Variants in ABL1 observed in about 807,000 individuals in gnomAD.
ABL1 encodes the protein ABL proto-oncogene 1, non-receptor tyrosine kinase.
Under a neutral mutation model 94.7 loss-of-function variants are expected in ABL1, and 11 were observed. The observed-to-expected ratio is 0.12, with a 90% CI of 0.07 to 0.19. ABL1 has a LOEUF of 0.19. Ranked by LOEUF, ABL1 falls within the 10% of genes least tolerant of loss-of-function variation. The probability of loss-of-function intolerance (pLI) is 1.00; values close to 1 mark genes in which losing one functional copy is unlikely to be tolerated. For synonymous variants in ABL1, 656 were observed against 622.4 expected (o/e 1.05, Z -0.80); for missense variants, 1,082 against 1,489.4 (o/e 0.73, Z 4.50).
At chr9:130,739,179 A>C (rs1831783528) in intron 1 of ABL1, among the ~76,000 whole-genome samples, 1 of 152,078 alleles carries the variant, frequency 6.6e-6, no homozygotes, top group African/African-American at 2.4e-5. Context: ...CAGGCGTGAA[A>C]CACTGTGCCT....
intron 1 of ABL1, among the ~76,000 whole-genome samples, chr9:130,806,622 C>G (rs1021426729): frequency 6.6e-6 from 1 of 150,886 alleles, no homozygotes; most frequent in Admixed American, 6.6e-5. Context: ...CAAGACCAGC[C>G]TGGACAACAA....
chr9:130,775,179 C>T (rs1240774286), intron 1 of ABL1, among the ~76,000 whole-genome samples: 2 of 152,166 alleles, frequency 1.3e-5, no homozygotes, highest in Admixed American at 6.5e-5. Context: ...CTATCTTTTT[C>T]TCAGTCTTAA....
chr9:130,724,498 T>C (rs759447351), intron 1 of ABL1, among the ~76,000 whole-genome samples: 53 of 151,694 alleles, frequency 3.5e-4, no homozygotes, highest in Non-Finnish European at 5.7e-4. Context: ...AACCAGAACA[T>C]TTATTGTGTG....
intron 1 of ABL1, among the ~76,000 whole-genome samples, chr9:130,765,782 T>G (rs1832175365): frequency 6.6e-6 from 1 of 152,220 alleles, no homozygotes; most frequent in Non-Finnish European, 1.5e-5. Context: ...GCCACAGATT[T>G]AATGCTTGAA....
In ABL1 at chr9:130,885,927, C is replaced by A; in HGVS notation, c.*244C>A. On this transcript the variant is annotated 3_prime_UTR_variant, in exon 11 of 11. Coordinates refer to ENST00000318560, the MANE Select transcript of ABL1 (RefSeq NM_005157.6). ...GTCCTCGAATTTTATCTGTGGAGTT[C>A]CTGCTCCGTGGACTGCAGTCGGCAT... The A allele has an allele frequency of 3.6e-6, 2 of 552,790 alleles. No individual in the cohort carries two copies. The highest frequency in any genetic ancestry group is 6.3e-6 in the Non-Finnish European group (2 of 319,216). 34.2% of individuals were successfully genotyped at this position (552,790 alleles called of 1,614,324 possible). A position where few individuals can be genotyped will look rare whatever the true frequency, so the allele number is the denominator to read the frequency against.
At chr9:130,728,489 C>T (rs956394041) in intron 1 of ABL1, among the ~76,000 whole-genome samples, 2 of 149,188 alleles carry the variant, frequency 1.3e-5, no homozygotes. Flanking sequence ...GGGTTCATGC[C>T]ATTCTCCTGC....
chr9:130,772,046 G>T (rs1475490601), intron 1 of ABL1, among the ~76,000 whole-genome samples: 2 of 152,094 alleles, frequency 1.3e-5, no homozygotes, highest in Non-Finnish European at 2.9e-5. Context: ...GAGCCACTGC[G>T]CCCAGCCAAA....
At chr9:130,867,325 A>G (rs1831172032) in intron 4 of ABL1, among the ~76,000 whole-genome samples, 1 of 152,154 alleles carries the variant, frequency 6.6e-6, no homozygotes, top group African/African-American at 2.4e-5. Context: ...ATTGATATAC[A>G]TAAGGTTGTC....
intron 1 of ABL1, among the ~76,000 whole-genome samples, chr9:130,745,178 G>C (rs1564276952): frequency 6.7e-6 from 1 of 150,318 alleles, no homozygotes; most frequent in Non-Finnish European, 1.5e-5. Context: ...TCCACCTCCT[G>C]GGTTCAAGCG....
chr9:130,714,104 C>A, exon 1 of ABL1: 1 of 417,264 alleles, frequency 2.4e-6, no homozygotes, highest in Non-Finnish European at 4.2e-6. Flanking sequence ...AATTGATAAC[C>A]GCGAAAATAA....
At chr9:130,714,483 T>G in intron 1 of ABL1, 4 of 1,614,212 alleles carry the variant, frequency 2.5e-6, no homozygotes, top group Non-Finnish European at 3.4e-6. Flanking sequence ...TTTCTGCTCA[T>G]GGTTTTCCTC....
At chr9:130,824,050 C>T (rs948366983) in intron 1 of ABL1, among the ~76,000 whole-genome samples, 10 of 152,328 alleles carry the variant, frequency 6.6e-5, no homozygotes, top group Admixed American at 2.6e-4. Flanking sequence ...TTACAGTTCT[C>T]TCCAGAGACA....
At chr9:130,770,328 A>G (rs1319821663) in intron 1 of ABL1, among the ~76,000 whole-genome samples, 1 of 152,116 alleles carries the variant, frequency 6.6e-6, no homozygotes, top group Non-Finnish European at 1.5e-5. Flanking sequence ...GCAATGTAGC[A>G]AGACCCCATC....
intron 1 of ABL1, among the ~76,000 whole-genome samples, chr9:130,821,601 T>A (rs1830363769): frequency 6.6e-6 from 1 of 152,008 alleles, no homozygotes; most frequent in African/African-American, 2.4e-5. Flanking sequence ...CATGTATAAG[T>A]CTTTGTGTGG....
chr9:130,759,620 A>G (rs1832085256), intron 1 of ABL1, among the ~76,000 whole-genome samples: 1 of 152,218 alleles, frequency 6.6e-6, no homozygotes, highest in African/African-American at 2.4e-5. Flanking sequence ...AATGTACTCG[A>G]ATATCAAATG....
chr9:130,794,897 AG>A (rs1829954957), intron 1 of ABL1, among the ~76,000 whole-genome samples: 1 of 152,222 alleles, frequency 6.6e-6, no homozygotes, highest in African/African-American at 2.4e-5. Context: ...CTCTTACCCC[AG>A]GAACAATGGA....
rs760947893 is a variant in ABL1 at position 130,885,347 on chromosome 9, A to C, written c.3057A>C (p.Pro1019=). 2 of 1,613,686 alleles carry C rather than the reference A, an allele frequency of 1.2e-6. No individual in the cohort carries two copies. Among genetic ancestry groups the C allele is most frequent in the South Asian group, 2.2e-5 (2 of 91,076 alleles). Residue 1019 remains proline (P), a synonymous_variant, in exon 11 of 11, where the codon CCA becomes CCC. Coordinates refer to ENST00000318560, the MANE Select transcript of ABL1 (RefSeq NM_005157.6). ...CTCTTCGGAAAACCCGCCAGCCTCC[A>C]GAGCGGATCGCCAGCGGCGCCATCA... The part of the protein sequence containing the change: ...RVSLRKTRQP[P]ERIASGAITK...
chr9:130,835,549 G>T lies in ABL1; in HGVS notation c.79+24G>T. On this transcript the variant is annotated intron_variant, in intron 1 of 10. Coordinates refer to ENST00000318560, the MANE Select transcript of ABL1 (RefSeq NM_005157.6). The surrounding 1 kb of genome is among the most constrained non-coding windows in gnomAD (Gnocchi z 4.6). ...AGGTAAGCCCGGGCCGCACGGGTTG[G>T]GCTGAGTAGCCGCGCGCCCTCCCGC... 7 of 1,543,986 alleles carry T rather than the reference G, an allele frequency of 4.5e-6. No individual in the cohort carries two copies. Among genetic ancestry groups the T allele is most frequent in the Non-Finnish European group, 6.1e-6 (7 of 1,141,906 alleles).
chr9:130,859,677 CTTTTTTT>C lies in ABL1; in HGVS notation c.550-3063_550-3057del, dbSNP rs869234280. On this transcript the variant is annotated intron_variant, in intron 3 of 10. Transcript: ENST00000318560. ...AAACGCTGTTTCTTTTCTTTCTTTC[CTTTTTTT>C]TTTTTTTTTTTTTTTTTTTTTTGAG... Among the ~76,000 whole-genome samples, 379 of 78,384 alleles carry C rather than the reference CTTTTTTT, an allele frequency of 4.8e-3. 1 individual carries two copies. Among genetic ancestry groups the C allele is most frequent in the Non-Finnish European group, 7.0e-3 (304 of 43,450 alleles). The allele number at this position is 78,384 out of a possible 152,430, so 51.4% of individuals were successfully genotyped here. A position where few individuals can be genotyped will look rare whatever the true frequency, so the allele number is the denominator to read the frequency against.
Sources: gnomAD v4.1 joint callset for allele counts (sites outside exome capture counted in the v4.1 genomes callset) on GRCh38, gnomAD v4.1.1 for gene constraint, Gnocchi (gnomAD v3.1) non-coding constraint, MANE v1.5 for transcripts, NCBI Gene and HGNC (gene_info 2026-07-23, HGNC 2026-07-21) for gene names.